Variants in ARHGEF1 observed in about 807,000 individuals in gnomAD.
The protein encoded by ARHGEF1 is 115 kDa guanine nucleotide exchange factor.
A neutral mutation model predicts 119.7 loss-of-function variants in ARHGEF1; 40 were observed. The observed-to-expected ratio is 0.33, with a 90% confidence interval of 0.26 to 0.44. ARHGEF1 has a LOEUF of 0.44. ARHGEF1 is among the 20% of genes least tolerant of loss of function. The pLI, the probability that ARHGEF1 is intolerant of heterozygous loss-of-function variation, is 1.00. For synonymous variants in ARHGEF1, 494 were observed against 521.0 expected (o/e 0.95, Z 0.71); for missense variants, 976 against 1,268.3 (o/e 0.77, Z 3.50).
At chr19:41,914,085 G>A (rs1264894743) in intron 18 of ARHGEF1, among the ~76,000 whole-genome samples, 1 of 56,972 alleles carries the variant, frequency 1.8e-5, no homozygotes, top group East Asian at 4.6e-4. Context: ...GCCTACCCCT[G>A]GACACTGGAC....
In ARHGEF1 at chr19:41,917,644, A is replaced by G. The variant is rs192270446; in HGVS notation, c.1866-5448A>G. Among the ~76,000 whole-genome samples, 1 of 142,602 alleles carries G rather than the reference A, an allele frequency of 7.0e-6. No individual in the cohort carries two copies. The highest frequency in any genetic ancestry group is 1.6e-5 in the Non-Finnish European group (1 of 62,042). 93.6% of individuals were successfully genotyped at this position (142,602 alleles called of 152,430 possible). ...GCATGCACACACCATGCCCCAAAGCACACGCACGCACGCACACACACACCC... is the reference window on the plus strand; with the variant it reads ...GCATGCACACACCATGCCCCAAAGCGCACGCACGCACGCACACACACACCC... On this transcript the variant is annotated intron_variant, in intron 18 of 20. Transcript: ENST00000599589. The surrounding 1 kb of genome is among the most constrained non-coding windows in gnomAD (Gnocchi z 4.8).
Position 41,905,073 on chromosome 19 carries a change from A to G in ARHGEF1, c.2249+37A>G, listed in dbSNP as rs1311021106. 1.9e-6 allele frequency: 3 copies of G among 1,611,170 alleles called. No homozygotes were observed. The African/African-American group carries it at 4.0e-5, about 22-fold the overall frequency. On this transcript the variant is annotated intron_variant, in intron 23 of 28. Coordinates refer to ENST00000354532, the MANE Select transcript of ARHGEF1 (RefSeq NM_004706.4). The surrounding 1 kb of genome is among the most constrained non-coding windows in gnomAD (Gnocchi z 6.4). ...TCTGAGTTCTGAGTGTGGGTGGAGG[A>G]CGCCCAGGTTTCTGGGTTCCCAGGG... is the stretch of plus-strand genomic sequence containing the variant.
At position 41,892,912 on chromosome 19, in the gene ARHGEF1, T is replaced by A. The variant is rs2074400693; in HGVS notation, c.614+63T>A. ...CCAGCACAAGGGCACCCGTGCTACC[T>A]CTGGCATGTTCCATCCCGTTTGCAG... On this transcript the variant is annotated intron_variant, in intron 7 of 28. Transcript: ENST00000354532. This position sits in a 1 kb window ranked among gnomAD's most constrained non-coding sequence, Gnocchi z 6.3. The A allele has an allele frequency of 7.0e-7, 1 of 1,436,404 alleles. No homozygotes were observed. The highest frequency in any genetic ancestry group is 2.8e-5 in the Admixed American group (1 of 36,252). The allele number at this position is 1,436,404 out of a possible 1,614,324, so 89.0% of individuals were successfully genotyped here.
intron 1 of ARHGEF1, among the ~76,000 whole-genome samples, chr19:41,925,001 C>T (rs75702631): frequency 0.027 from 4,039 of 152,074 alleles, 177 homozygotes; most frequent in African/African-American, 0.091. Flanking sequence ...AAAGGGACTC[C>T]GGTCACATGG....
chr19:41,892,949 AG>A lies in ARHGEF1; in HGVS notation c.614+103del. On this transcript the variant is annotated intron_variant, in intron 7 of 28. Coordinates refer to ENST00000354532, the MANE Select transcript of ARHGEF1 (RefSeq NM_004706.4). The surrounding 1 kb of genome is among the most constrained non-coding windows in gnomAD (Gnocchi z 6.3). ...CATCCCGTTTGCAGGTTCCCTCTTC[AG>A]GGTCAGAGTTCATTTCTTGGCACTG... 9.2e-6 allele frequency: 13 copies of A among 1,415,572 alleles called. No individual in the cohort carries two copies. The highest frequency in any genetic ancestry group is 1.2e-5 in the Non-Finnish European group (13 of 1,083,444). The allele number at this position is 1,415,572 out of a possible 1,614,324, so 87.7% of individuals were successfully genotyped here. A position where few individuals can be genotyped will look rare whatever the true frequency, so the allele number is the denominator to read the frequency against.
chr19:41,897,147 A>AC, intron 13 of ARHGEF1: 1 of 267,354 alleles, frequency 3.7e-6, no homozygotes, highest in Non-Finnish European at 6.1e-6. Context: ...TCAACCCCCC[A>AC]CCCCTCTGCT....
chr19:41,919,189 G>A (rs2074822801), upstream of ARHGEF1, among the ~76,000 whole-genome samples: 3 of 151,842 alleles, frequency 2.0e-5, no homozygotes, highest in Non-Finnish European at 1.5e-5. Context: ...ACCACACCTT[G>A]TAATCCCCAC....
exon 2 of ARHGEF1, chr19:41,928,931 C>T (rs782643869): frequency 6.1e-5 from 28 of 456,256 alleles, no homozygotes; most frequent in South Asian, 4.2e-4. Context: ...GGAACACGGA[C>T]CCGCACACAC....
At chr19:41,914,616 TTCCA>T (rs1446651816) in intron 18 of ARHGEF1, among the ~76,000 whole-genome samples, 17 of 13,966 alleles carry the variant, frequency 1.2e-3, no homozygotes, top group African/African-American at 3.3e-3. Flanking sequence ...CTCCCTCCCC[TTCCA>T]CCATCTCTGT....
At chr19:41,907,697 C>T (rs1471103467), downstream of ARHGEF1, 2 of 327,608 alleles carry the variant, frequency 6.1e-6, no homozygotes, top group Non-Finnish European at 1.1e-5. Context: ...GCACTGGGCA[C>T]CCCGAGTCTC....
Position 41,902,099 on chromosome 19 carries a change from G to T in ARHGEF1, c.1414+66G>T. 6.3e-7 allele frequency: 1 copy of T among 1,594,840 alleles called. No homozygotes were observed. On this transcript the variant is annotated intron_variant, in intron 15 of 28. Transcript: ENST00000354532. This position sits in a 1 kb window ranked among gnomAD's most constrained non-coding sequence, Gnocchi z 6.5. Reference sequence around the variant, plus strand: ...CCACGGGCAGCTCTGCTCTAGCCCTGGGTTCAACCTGCTCGGGAACCCCAG... The same window carrying T: ...CCACGGGCAGCTCTGCTCTAGCCCTTGGTTCAACCTGCTCGGGAACCCCAG...
In ARHGEF1 at chr19:41,898,699, A is replaced by G. The variant is rs2074552571; in HGVS notation, c.1267+112A>G. ...CTTGGTGTCATTTACCATCGGGAGA[A>G]CTTGAAGGCAGCTTCAAATTCCCTC... is the stretch of plus-strand genomic sequence containing the variant. On this transcript the variant is annotated intron_variant, in intron 14 of 28. Coordinates refer to ENST00000354532, the MANE Select transcript of ARHGEF1 (RefSeq NM_004706.4). The G allele has an allele frequency of 6.7e-6, 9 of 1,351,430 alleles. No homozygotes were observed. The South Asian group carries it at 1.4e-4, about 20-fold the overall frequency. The allele number at this position is 1,351,430 out of a possible 1,614,324, so 83.7% of individuals were successfully genotyped here.
chr19:41,892,881 C>A lies in ARHGEF1; in HGVS notation c.614+32C>A. 6.8e-7 allele frequency: 1 copy of A among 1,463,488 alleles called. No homozygotes were observed. The highest frequency in any genetic ancestry group is 9.0e-7 in the Non-Finnish European group (1 of 1,107,420). The allele number at this position is 1,463,488 out of a possible 1,614,324, so 90.7% of individuals were successfully genotyped here. On this transcript the variant is annotated intron_variant, in intron 7 of 28. Coordinates refer to ENST00000354532, the MANE Select transcript of ARHGEF1 (RefSeq NM_004706.4). This position sits in a 1 kb window ranked among gnomAD's most constrained non-coding sequence, Gnocchi z 6.3. ...AGGCCAGCCCTGGTGGGAGCGTCGC[C>A]CCTCCCCAGCACAAGGGCACCCGTG...
downstream of ARHGEF1, chr19:41,909,310 G>GC (rs1237601044): frequency 4.0e-6 from 5 of 1,234,682 alleles, no homozygotes; most frequent in African/African-American, 1.5e-5. This position sits in a 1 kb window ranked among gnomAD's most constrained non-coding sequence, Gnocchi z 5.2. Context: ...TGGCCCTGGG[G>GC]CCCCCCCAAA....
rs1206852885 is a variant in ARHGEF1, at chr19:41,893,198, C to A, written c.615-76C>A. On this transcript the variant is annotated intron_variant, in intron 7 of 28. Coordinates refer to ENST00000354532, the MANE Select transcript of ARHGEF1 (RefSeq NM_004706.4). ...CCCCCTGCCTATCCCAGGACAGCAA[C>A]CCTGAGATGTATCCTGGGTGGATGG... 5.0e-6 allele frequency: 8 copies of A among 1,589,474 alleles called. No individual in the cohort carries two copies. In the African/African-American group the frequency reaches 5.4e-5, roughly 11 times the overall value.
At chr19:41,914,676 TTCCA>T (rs2074782014) in intron 18 of ARHGEF1, among the ~76,000 whole-genome samples, 3 of 14,578 alleles carry the variant, frequency 2.1e-4, no homozygotes, top group Admixed American at 7.2e-4. Flanking sequence ...CTCCCTCCCC[TTCCA>T]CCATCTCTGT....
chr19:41,915,274 C>T (rs2074794008), intron 18 of ARHGEF1, among the ~76,000 whole-genome samples: 1 of 151,364 alleles, frequency 6.6e-6, no homozygotes. Flanking sequence ...TCCCACGCTC[C>T]CCCCGCCGTG....
upstream of ARHGEF1, among the ~76,000 whole-genome samples, chr19:41,919,512 T>TACACACACACAC (rs60525805): frequency 4.1e-5 from 6 of 146,486 alleles, no homozygotes; most frequent in African/African-American, 1.5e-4. Flanking sequence ...CGTGCACGCG[T>TACACACACACAC]ACACACACAC....
chr19:41,917,414 C>T lies in ARHGEF1; in HGVS notation c.1866-5678C>T, dbSNP rs781946964. ...TTTGATTTCTCTAAGCTGCGCCGGC[C>T]GCCTCGGGAGCCGCCTCGGGCCTCG... On this transcript the variant is annotated intron_variant, in intron 18 of 20. Transcript: ENST00000599589. This position sits in a 1 kb window ranked among gnomAD's most constrained non-coding sequence, Gnocchi z 4.8. Among the ~76,000 whole-genome samples, 4 of 152,046 alleles carry T rather than the reference C, an allele frequency of 2.6e-5. No homozygotes were observed. Among genetic ancestry groups the T allele is most frequent in the East Asian group, 1.9e-4 (1 of 5,176 alleles).
Sources: allele counts gnomAD v4.1 joint callset (sites outside exome capture counted in the v4.1 genomes callset), GRCh38; gene constraint gnomAD v4.1.1; non-coding constraint Gnocchi (gnomAD v3.1); transcripts MANE v1.5; gene names NCBI Gene and HGNC (gene_info 2026-07-23, HGNC 2026-07-21).